Variants in URI1 observed in about 807,000 individuals in gnomAD.
URI1 encodes URI1 prefoldin like chaperone, also known as unconventional prefoldin RPB5 interactor 1.
URI1 carries 39 observed loss-of-function variants against 60.2 expected under a neutral mutation model. The ratio of observed to expected loss-of-function variants is 0.65; its 90% CI spans 0.50 to 0.85. The LOEUF (loss-of-function observed/expected upper bound fraction) is 0.85, where lower values mean the gene tolerates loss of function less well. Among genes scored for constraint, URI1 ranks in the 40% least tolerant of loss-of-function variants. URI1 has a pLI of 0.00. For missense variants in URI1, 691 were observed against 665.9 expected, an observed-to-expected ratio of 1.04 and a Z score of -0.42; for synonymous variants, 251 against 236.8, an observed-to-expected ratio of 1.06 and a Z score of -0.55.
chr19:30,008,115 G>A (rs1302741377), intron 7 of URI1, among the ~76,000 whole-genome samples: 2 of 152,050 alleles, frequency 1.3e-5, no homozygotes, highest in African/African-American at 4.8e-5. Context: ...TTTGGAGCAG[G>A]TAATTTGTAA....
intron 2 of URI1, chr19:29,980,427 C>T (rs889253194): frequency 6.6e-6 from 1 of 151,840 alleles, no homozygotes; most frequent in Admixed American, 6.6e-5. Context: ...ATTCCAGAAT[C>T]TTCCGTTTTT....
At chr19:29,943,385 T>G (rs2055057943) in intron 1 of URI1, among the ~76,000 whole-genome samples, 1 of 152,218 alleles carries the variant, frequency 6.6e-6, no homozygotes, top group Non-Finnish European at 1.5e-5. Flanking sequence ...TAAGAAATAG[T>G]TTTATTGTTA....
At chr19:29,963,636 A>G (rs2055353760) in intron 1 of URI1, among the ~76,000 whole-genome samples, 1 of 151,980 alleles carries the variant, frequency 6.6e-6, no homozygotes, top group Non-Finnish European at 1.5e-5. Context: ...TTGGCATCCT[A>G]GTTATTTTTG....
intron 1 of URI1, among the ~76,000 whole-genome samples, chr19:29,943,524 T>C (rs1340230451): frequency 6.6e-6 from 1 of 152,210 alleles, no homozygotes; most frequent in Non-Finnish European, 1.5e-5. Flanking sequence ...TGGAAGAGCA[T>C]GGATTATAAA....
intron 4 of URI1, among the ~76,000 whole-genome samples, chr19:30,003,712 C>T (rs966950531): frequency 6.6e-6 from 1 of 151,940 alleles, no homozygotes; most frequent in East Asian, 1.9e-4. Context: ...CATTGACAAC[C>T]CAAGGCTTTC....
chr19:29,942,303 C>T lies in URI1; in HGVS notation c.-245C>T, dbSNP rs1397168689. On this transcript the variant is annotated 5_prime_UTR_variant, in exon 1 of 11. Transcript: ENST00000392271. ...CCCGCACCGGAGAGGCGTCTCGGTA[C>T]CTGGCAGGCGGCCTGCTACTCGGAG... 8 of 985,180 alleles carry T rather than the reference C, an allele frequency of 8.1e-6. No homozygotes were observed. Among genetic ancestry groups the T allele is most frequent in the Admixed American group, 6.2e-5 (1 of 16,166 alleles). 61.0% of individuals were successfully genotyped at this position (985,180 alleles called of 1,614,324 possible). A position where few individuals can be genotyped will look rare whatever the true frequency, so the allele number is the denominator to read the frequency against.
At chr19:29,988,349 G>A (rs1018251329) in intron 4 of URI1, among the ~76,000 whole-genome samples, 1 of 152,098 alleles carries the variant, frequency 6.6e-6, no homozygotes, top group African/African-American at 2.4e-5. Flanking sequence ...TGGTTGATTG[G>A]GGTAATTGGG....
chr19:29,984,353 C>A (rs1313482941), intron 2 of URI1, among the ~76,000 whole-genome samples: 5 of 152,110 alleles, frequency 3.3e-5, no homozygotes. Flanking sequence ...CACTTGAACC[C>A]AGGAGGTGGA....
rs1318965197 is a variant in URI1 at position 30,015,521 on chromosome 19, C to G, written c.*452C>G. 1.3e-6 allele frequency: 2 copies of G among 1,532,484 alleles called. No homozygotes were observed. The highest frequency in any genetic ancestry group is 2.4e-5 in the East Asian group (1 of 40,826). 94.9% of individuals were successfully genotyped at this position (1,532,484 alleles called of 1,614,324 possible). A position where few individuals can be genotyped will look rare whatever the true frequency, so the allele number is the denominator to read the frequency against. ...CATTTTAAAGGCACTTTAAAAAAAT[C>G]TACTTCTCTTGTAGGTTTTGCGGCT... On this transcript the variant is annotated 3_prime_UTR_variant, in exon 11 of 11. Transcript: ENST00000392271.
intron 1 of URI1, among the ~76,000 whole-genome samples, chr19:29,970,269 TG>T (rs1833034440): frequency 6.6e-6 from 1 of 151,552 alleles, no homozygotes; most frequent in South Asian, 2.1e-4. Flanking sequence ...CTTTTTCTCA[TG>T]GCCTAGTCTT....
chr19:29,946,868 G>A (rs2055108994), intron 1 of URI1, among the ~76,000 whole-genome samples: 1 of 152,134 alleles, frequency 6.6e-6, no homozygotes, highest in African/African-American at 2.4e-5. Context: ...ACAAAATACA[G>A]CAAGTTCTTT....
chr19:29,935,821 C>T (rs2054966722), intron 1 of URI1, among the ~76,000 whole-genome samples: 1 of 150,418 alleles, frequency 6.6e-6, no homozygotes, highest in Admixed American at 6.7e-5. Context: ...GAGTCTCACA[C>T]TGTCATCCAG....
intron 1 of URI1, chr19:29,956,309 A>G: frequency 3.8e-6 from 2 of 523,814 alleles, no homozygotes; most frequent in Non-Finnish European, 6.0e-6. Context: ...TTTTTTTAAG[A>G]AGGTCCAAAT....
Position 30,015,022 on chromosome 19 carries a change from A to G in URI1, c.1561A>G (p.Lys521Glu). ...GTTGGAAGCATCTGAAGAAACTGGA[A>G]AGAGGGTTTCAAAGTTTAAAGCTGC... ...VLLEASEETGKRVSKFKAARL... is the reference protein window; with the variant it reads ...VLLEASEETGERVSKFKAARL... The change falls in exon 11 of 11, where the codon AAG (lysine) becomes GAG (glutamate). Residue 521 changes from lysine (K) to glutamate (E), a missense_variant. By Grantham distance (56) the Lys-to-Glu change is moderately conservative. Transcript: ENST00000392271. 1 of 1,613,828 alleles carries G rather than the reference A, an allele frequency of 6.2e-7. No individual in the cohort carries two copies. The highest frequency in any genetic ancestry group is 8.5e-7 in the Non-Finnish European group (1 of 1,179,750).
At chr19:29,938,791 C>T (rs531890833), upstream of URI1, among the ~76,000 whole-genome samples, 1 of 152,066 alleles carries the variant, frequency 6.6e-6, no homozygotes, top group South Asian at 2.1e-4. Context: ...ATTCTCCTGC[C>T]TCAGCCTCCT....
intron 1 of URI1, among the ~76,000 whole-genome samples, chr19:29,962,381 TATA>T (rs1302459460): frequency 6.7e-6 from 1 of 148,626 alleles, no homozygotes; most frequent in African/African-American, 2.5e-5. Flanking sequence ...TAGTACTAAA[TATA>T]ATATGTATTT....
intron 1 of URI1, among the ~76,000 whole-genome samples, 161 bp downstream of exon 1, chr19:29,942,825 C>T (rs2055049011): frequency 6.6e-6 from 1 of 152,178 alleles, no homozygotes; most frequent in Admixed American, 6.5e-5. Flanking sequence ...GTCTGCAGCC[C>T]TTTGACTTCG....
intron 4 of URI1, among the ~76,000 whole-genome samples, chr19:29,990,477 C>T (rs903897138): frequency 1.6e-4 from 24 of 152,176 alleles, no homozygotes; most frequent in African/African-American, 4.8e-4. Flanking sequence ...TTATAGTAGC[C>T]GAAACATGGA....
chr19:29,987,649 A>G (rs17601885), intron 4 of URI1, among the ~76,000 whole-genome samples: 22,656 of 152,180 alleles, frequency 0.15, 2,139 homozygotes, highest in Non-Finnish European at 0.21. Flanking sequence ...GTTTGTTCAC[A>G]TTGATTTTCA....
Sources: gnomAD v4.1 joint callset for allele counts (sites outside exome capture counted in the v4.1 genomes callset) on GRCh38, gnomAD v4.1.1 for gene constraint, MANE v1.5 for transcripts, NCBI Gene and HGNC (gene_info 2026-07-23, HGNC 2026-07-21) for gene names.